The following EEPD1 variants were observed in gnomAD, a reference collection of about 807,000 sequenced individuals.
EEPD1 encodes the protein endonuclease/exonuclease/phosphatase family domain containing 1.
In EEPD1, 17 loss-of-function variants were observed where a neutral mutation model predicts 46.3. The observed-to-expected ratio is 0.37, with a 90% CI of 0.25 to 0.55. The LOEUF (loss-of-function observed/expected upper bound fraction) is 0.55, where lower values mean the gene tolerates loss of function less well. EEPD1 is among the 20% of genes least tolerant of loss of function. The pLI, the probability that EEPD1 is intolerant of heterozygous loss-of-function variation, is 0.83. For missense variants in EEPD1, 673 were observed against 745.6 expected, an observed-to-expected ratio of 0.90 and a Z score of 1.13; for synonymous variants, 313 against 315.6, an observed-to-expected ratio of 0.99 and a Z score of 0.09.
chr7:36,198,403 ACTTTAATAAACC>A (rs1361302726), intron 2 of EEPD1, among the ~76,000 whole-genome samples: 2 of 129,146 alleles, frequency 1.5e-5, no homozygotes, highest in South Asian at 2.7e-4. Flanking sequence ...GGTTAATAAA[ACTTTAATAAACC>A]AAAAAAAAAA....
At chr7:36,164,523 T>C (rs972823976) in intron 2 of EEPD1, among the ~76,000 whole-genome samples, 1 of 152,248 alleles carries the variant, frequency 6.6e-6, no homozygotes, top group Non-Finnish European at 1.5e-5. Context: ...ACATCTATTA[T>C]GTTTTTTAAA....
rs776381026 is a variant in EEPD1 at position 36,225,871 on chromosome 7, A to G, written c.879-13114A>G. On this transcript the variant is annotated intron_variant, in intron 2 of 7. Coordinates refer to ENST00000242108, the MANE Select transcript of EEPD1 (RefSeq NM_030636.3). This position sits in a 1 kb window ranked among gnomAD's most constrained non-coding sequence, Gnocchi z 4.2. ...TTTGTCTGTGAAGCCAATCAGAAAG[A>G]CATTCTCAGATGTGCAGGGGCTTAG... Among the ~76,000 whole-genome samples, 4 of 152,222 alleles carry G rather than the reference A, an allele frequency of 2.6e-5. No individual in the cohort carries two copies. Among genetic ancestry groups the G allele is most frequent in the African/African-American group, 4.8e-5 (2 of 41,450 alleles).
chr7:36,202,046 G>A (rs770980942), intron 2 of EEPD1, among the ~76,000 whole-genome samples: 26 of 152,192 alleles, frequency 1.7e-4, no homozygotes, highest in Admixed American at 8.5e-4. Flanking sequence ...AAGACTGCAC[G>A]TGTGCAAGAT....
intron 2 of EEPD1, among the ~76,000 whole-genome samples, chr7:36,185,869 A>G (rs776531833): frequency 1.3e-5 from 2 of 152,216 alleles, no homozygotes; most frequent in Non-Finnish European, 2.9e-5. Context: ...TATGCTCAAT[A>G]GAAGGCCCTT....
intron 2 of EEPD1, among the ~76,000 whole-genome samples, chr7:36,224,489 C>G (rs1467211912): frequency 6.6e-6 from 1 of 152,206 alleles, no homozygotes; most frequent in Non-Finnish European, 1.5e-5. Flanking sequence ...GCAAGAGCTT[C>G]TGTAGACTGA....
rs572550627 is a variant in EEPD1, at chr7:36,301,525, C to G, written c.*2319C>G. On this transcript the variant is annotated 3_prime_UTR_variant, in exon 8 of 8. Transcript: ENST00000242108. Reference sequence around the variant, plus strand: ...TTCATAGTTTATATTAAAGTTCACTCTTTGTGTTGTGCATCCTATGGGTTT... The same window carrying G: ...TTCATAGTTTATATTAAAGTTCACTGTTTGTGTTGTGCATCCTATGGGTTT... 4 of 152,304 alleles carry G rather than the reference C, an allele frequency of 2.6e-5. No homozygotes were observed. The East Asian group carries it at 5.8e-4, about 22-fold the overall frequency. 9.4% of individuals were successfully genotyped at this position (152,304 alleles called of 1,614,324 possible).
chr7:36,252,075 A>C (rs1444679644), intron 3 of EEPD1, among the ~76,000 whole-genome samples: 1 of 152,162 alleles, frequency 6.6e-6, no homozygotes, highest in Admixed American at 6.5e-5. Context: ...ATGGTTGTTT[A>C]ATTAATTTTT....
intron 4 of EEPD1, among the ~76,000 whole-genome samples, chr7:36,282,438 C>A (rs751609792): frequency 6.6e-6 from 1 of 152,232 alleles, no homozygotes; most frequent in Non-Finnish European, 1.5e-5. Context: ...GGGATCCCGG[C>A]TGGAGCCTGA....
chr7:36,154,308 C>T lies in EEPD1; in HGVS notation c.-17C>T. 1 of 1,599,704 alleles carries T rather than the reference C, an allele frequency of 6.3e-7. No homozygotes were observed. On this transcript the variant is annotated 5_prime_UTR_variant, in exon 2 of 8. Transcript: ENST00000242108. This position sits in a 1 kb window ranked among gnomAD's most constrained non-coding sequence, Gnocchi z 4.2. ...TGCAGTGGTGCGGCCTTCCCGGGAG[C>T]CTGATCCTGGCGGACCATGGGGAGC...
chr7:36,170,425 T>A (rs1184404233), intron 2 of EEPD1, among the ~76,000 whole-genome samples: 4 of 151,772 alleles, frequency 2.6e-5, no homozygotes, highest in Non-Finnish European at 5.9e-5. Context: ...AAAAAGTATA[T>A]ATTTTGTATA....
chr7:36,209,278 T>C (rs1261639721), intron 2 of EEPD1, among the ~76,000 whole-genome samples: 2 of 152,210 alleles, frequency 1.3e-5, no homozygotes, highest in Non-Finnish European at 2.9e-5. Context: ...CTAACTCAGT[T>C]AGTGATTCAG....
intron 2 of EEPD1, among the ~76,000 whole-genome samples, chr7:36,185,271 T>G (rs1020224153): frequency 6.6e-6 from 1 of 152,278 alleles, no homozygotes; most frequent in Non-Finnish European, 1.5e-5. Context: ...CAGCTTGCTT[T>G]CTGTTTCATT....
At chr7:36,227,958 G>A (rs1786257000) in intron 2 of EEPD1, among the ~76,000 whole-genome samples, 1 of 152,088 alleles carries the variant, frequency 6.6e-6, no homozygotes, top group Non-Finnish European at 1.5e-5. Flanking sequence ...AAAGTGATGA[G>A]ATTACAGGCA....
At chr7:36,160,676 T>TGGGGG (rs150571892) in intron 2 of EEPD1, among the ~76,000 whole-genome samples, 34 of 36,496 alleles carry the variant, frequency 9.3e-4, no homozygotes, top group Non-Finnish European at 1.1e-3. Context: ...TGGGAGGTGG[T>TGGGGG]GGGGGGCGGG....
intron 4 of EEPD1, 73 bp from the exon 5 acceptor site, chr7:36,284,596 TGCCTCTCGGTCTCTCTG>T (rs763721558): frequency 2.2e-5 from 32 of 1,486,070 alleles, no homozygotes; most frequent in Non-Finnish European, 2.9e-5. Context: ...TAGGGCCTAC[TGCCTCTCGGTCTCTCTG>T]GCCTCTCTGC....
intron 5 of EEPD1, 123 bp downstream of exon 5, chr7:36,284,943 C>T: frequency 7.7e-7 from 1 of 1,298,708 alleles, no homozygotes; most frequent in Non-Finnish European, 1.0e-6. Flanking sequence ...TTCAGCCTCT[C>T]ATGATTGGAG....
At chr7:36,271,852 T>G (rs1169232476) in intron 3 of EEPD1, among the ~76,000 whole-genome samples, 3 of 44,068 alleles carry the variant, frequency 6.8e-5, no homozygotes, top group Non-Finnish European at 2.2e-4. Flanking sequence ...TTCTATTCTA[T>G]TCTATTCTAT....
Position 36,248,994 on chromosome 7 carries a change from A to AACACACACACACACACACAC in EEPD1, c.930+9980_930+9999dup, listed in dbSNP as rs71553052. The stretch of plus-strand genomic sequence containing the variant: ...ATGGGCTAGGCTCTGTGGTTCATTA[A>AACACACACACACACACACAC]ACACACACACACACACACACACACA... On this transcript the variant is annotated intron_variant, in intron 3 of 7. Coordinates refer to ENST00000242108, the MANE Select transcript of EEPD1 (RefSeq NM_030636.3). Among the ~76,000 whole-genome samples, 412 of 135,400 alleles carry AACACACACACACACACACAC rather than the reference A, an allele frequency of 3.0e-3. 8 individuals are homozygous for AACACACACACACACACACAC. The highest frequency in any genetic ancestry group is 9.0e-3 in the South Asian group (35 of 3,896). 88.8% of individuals were successfully genotyped at this position (135,400 alleles called of 152,430 possible).
intron 2 of EEPD1, among the ~76,000 whole-genome samples, chr7:36,171,925 T>C (rs535853933): frequency 6.6e-6 from 1 of 152,316 alleles, no homozygotes; most frequent in South Asian, 2.1e-4. Context: ...AACTGTGAAG[T>C]TCATTTTTGA....
Sources: gnomAD v4.1 joint callset for allele counts (sites outside exome capture counted in the v4.1 genomes callset) on GRCh38, gnomAD v4.1.1 for gene constraint, Gnocchi (gnomAD v3.1) non-coding constraint, MANE v1.5 for transcripts, NCBI Gene and HGNC (gene_info 2026-07-23, HGNC 2026-07-21) for gene names.